Variants in RNF115 observed in about 807,000 individuals in gnomAD.
RNF115 encodes the protein E3 ubiquitin-protein ligase RNF115.
In RNF115, 31 loss-of-function variants were observed where a neutral mutation model predicts 39.2. That is an observed-to-expected ratio of 0.79 (90% confidence interval 0.59 to 1.07). The LOEUF (loss-of-function observed/expected upper bound fraction) is 1.07. RNF115 is among the 50% of genes least tolerant of loss of function. The pLI is 0.00. For synonymous variants in RNF115, 124 were observed against 131.0 expected, an observed-to-expected ratio of 0.95 and a Z score of 0.37; for missense variants, 384 against 381.7, an observed-to-expected ratio of 1.01 and a Z score of -0.05.
intron 4 of RNF115, among the ~76,000 whole-genome samples, chr1:145,758,148 T>C (rs1045083349): frequency 3.3e-5 from 5 of 152,196 alleles, no homozygotes; most frequent in African/African-American, 9.7e-5. Flanking sequence ...AGACAAAATG[T>C]AGCAGGAATG....
At chr1:145,751,293 C>T (rs373504684) in intron 6 of RNF115, 145 bp downstream of exon 6, 20 of 592,808 alleles carry the variant, frequency 3.4e-5, no homozygotes, top group African/African-American at 3.4e-4. Context: ...AATCATTCAT[C>T]CCTTTAGTAA....
intron 4 of RNF115, among the ~76,000 whole-genome samples, chr1:145,754,989 T>C (rs1658243819): frequency 6.6e-6 from 1 of 152,092 alleles, no homozygotes; most frequent in African/African-American, 2.4e-5. Flanking sequence ...CTCTTGCCTA[T>C]AATCCCAGAA....
At chr1:145,751,795 G>A (rs1241964423) in intron 5 of RNF115, among the ~76,000 whole-genome samples, 4 of 152,156 alleles carry the variant, frequency 2.6e-5, no homozygotes, top group African/African-American at 9.7e-5. Flanking sequence ...TTGCCTGTTG[G>A]TTTCAAAAAT....
At chr1:145,772,217 C>CT in intron 3 of RNF115, 5 of 219,284 alleles carry the variant, frequency 2.3e-5, no homozygotes, top group Non-Finnish European at 3.6e-5. Context: ...TGTCACAGGA[C>CT]TTTTTTTAAA....
chr1:145,801,260 A>G (rs981265850), intron 1 of RNF115, among the ~76,000 whole-genome samples: 1 of 152,154 alleles, frequency 6.6e-6, no homozygotes, highest in Non-Finnish European at 1.5e-5. Flanking sequence ...TCATTATACC[A>G]TGCTGATTGA....
At chr1:145,791,840 AAC>A (rs1254320366) in intron 1 of RNF115, among the ~76,000 whole-genome samples, 2 of 152,158 alleles carry the variant, frequency 1.3e-5, no homozygotes, top group Non-Finnish European at 2.9e-5. Context: ...AGACCTGAGA[AAC>A]ACATTTTTTT....
intron 4 of RNF115, among the ~76,000 whole-genome samples, chr1:145,768,058 C>G (rs1647459342): frequency 6.6e-6 from 1 of 152,226 alleles, no homozygotes; most frequent in African/African-American, 2.4e-5. Flanking sequence ...AACAAAGGCC[C>G]AGCGAGGTCA....
At chr1:145,755,753 T>C (rs1658271184) in intron 4 of RNF115, among the ~76,000 whole-genome samples, 1 of 151,962 alleles carries the variant, frequency 6.6e-6, no homozygotes, top group Non-Finnish European at 1.5e-5. Flanking sequence ...AGAAGCACTA[T>C]GGCCTTTGAG....
intron 1 of RNF115, among the ~76,000 whole-genome samples, chr1:145,795,942 G>C (rs1648959105): frequency 6.6e-6 from 1 of 152,120 alleles, no homozygotes; most frequent in Non-Finnish European, 1.5e-5. Context: ...GAACTTTTTA[G>C]AATACACAAG....
intron 1 of RNF115, among the ~76,000 whole-genome samples, chr1:145,811,259 C>T (rs587760107): frequency 4.0e-5 from 6 of 149,700 alleles, no homozygotes; most frequent in Non-Finnish European, 7.4e-5. Flanking sequence ...CAGTGGCTCA[C>T]GTTTGTAATC....
intron 1 of RNF115, among the ~76,000 whole-genome samples, chr1:145,818,090 C>T (rs1195736932): frequency 2.6e-5 from 4 of 151,304 alleles, no homozygotes; most frequent in South Asian, 2.1e-4. Flanking sequence ...TTTGGTAAAA[C>T]GATTTATATT....
chr1:145,785,559 T>C (rs186111558), intron 2 of RNF115, among the ~76,000 whole-genome samples: 10 of 152,274 alleles, frequency 6.6e-5, no homozygotes, highest in African/African-American at 2.4e-4. Context: ...ATGGAAAGAA[T>C]CACAGGAACT....
chr1:145,781,656 T>G (rs1648153221), intron 3 of RNF115, among the ~76,000 whole-genome samples: 1 of 152,108 alleles, frequency 6.6e-6, no homozygotes, highest in Admixed American at 6.6e-5. Flanking sequence ...GAAGGATGAT[T>G]ATTTCCCAAT....
intron 2 of RNF115, among the ~76,000 whole-genome samples, chr1:145,785,747 C>T (rs1648349064): frequency 6.6e-6 from 1 of 152,138 alleles, no homozygotes; most frequent in South Asian, 2.1e-4. Context: ...AGTCTGAAAC[C>T]AAAAGTGAAA....
chr1:145,752,389 T>G (rs2101465596), intron 5 of RNF115, among the ~76,000 whole-genome samples: 1 of 152,194 alleles, frequency 6.6e-6, no homozygotes, highest in East Asian at 1.9e-4. Flanking sequence ...CATCTCATTC[T>G]CTACCTCAAT....
intron 8 of RNF115, among the ~76,000 whole-genome samples, chr1:145,747,446 G>A (rs1559101336): frequency 6.6e-6 from 1 of 152,144 alleles, no homozygotes; most frequent in East Asian, 1.9e-4. Context: ...GAGGTCAGGA[G>A]TTTGAGATCA....
intron 4 of RNF115, among the ~76,000 whole-genome samples, chr1:145,759,638 C>T (rs191876114): frequency 6.6e-6 from 1 of 152,286 alleles, no homozygotes; most frequent in East Asian, 1.9e-4. Context: ...GTGTCTTTGC[C>T]TCGCACACCT....
chr1:145,747,729 G>A (rs587664661), intron 8 of RNF115, among the ~76,000 whole-genome samples: 8 of 152,258 alleles, frequency 5.3e-5, no homozygotes, highest in Middle Eastern at 3.4e-3. Context: ...CTCTGCTGAC[G>A]TAGCACAAAA....
At chr1:145,812,821 A>G (rs1649797219) in intron 1 of RNF115, among the ~76,000 whole-genome samples, 1 of 150,716 alleles carries the variant, frequency 6.6e-6, no homozygotes, top group Non-Finnish European at 1.5e-5. Flanking sequence ...GGGTTTCGCC[A>G]TATCACCCAG....
Sources: allele counts gnomAD v4.1 joint callset (sites outside exome capture counted in the v4.1 genomes callset), GRCh38; gene constraint gnomAD v4.1.1; transcripts MANE v1.5; gene names NCBI Gene and HGNC (gene_info 2026-07-23, HGNC 2026-07-21).